FNIP1: variants seen among roughly 807,000 people sequenced by gnomAD.
FNIP1 encodes folliculin-interacting protein 1.
In FNIP1, 40 loss-of-function variants were observed where a neutral mutation model predicts 124.5. The observed-to-expected ratio is 0.32, with a 90% CI of 0.25 to 0.42. The LOEUF is 0.42. Among genes scored for constraint, FNIP1 ranks in the 10% least tolerant of loss-of-function variants. FNIP1 has a pLI of 1.00. For synonymous variants in FNIP1, 472 were observed against 470.6 expected (o/e 1.00, Z -0.04); for missense variants, 1,176 against 1,403.7 (o/e 0.84, Z 2.59).
At chr5:131,728,438 C>G (rs1769963663) in intron 3 of FNIP1, among the ~76,000 whole-genome samples, 2 of 151,972 alleles carry the variant, frequency 1.3e-5, no homozygotes, top group South Asian at 4.1e-4. Flanking sequence ...GATCTTCAAT[C>G]TCTGATATCC....
At chr5:131,780,827 A>C (rs1404960904) in intron 1 of FNIP1, among the ~76,000 whole-genome samples, 1 of 152,168 alleles carries the variant, frequency 6.6e-6, no homozygotes, top group East Asian at 1.9e-4. Context: ...AATTAGGCCA[A>C]TTAATAACCC....
rs1235416029 is a variant in FNIP1, at chr5:131,704,251, G to A, written c.930C>T (p.Ser310=). ...GVFPRWSIEE[S]FNLSDESCGP... ...CACAGCTTTCATCTGAGAGATTAAA[G>A]CTTTCTTCTATAGACCTTAAAAATA... The change falls in exon 10 of 18, where the codon AGC becomes AGT. Residue 310 remains serine (S), a synonymous_variant. Coordinates refer to ENST00000510461, the MANE Select transcript of FNIP1 (RefSeq NM_133372.3). 1 of 1,610,886 alleles carries A rather than the reference G, an allele frequency of 6.2e-7. No homozygotes were observed. Among genetic ancestry groups the A allele is most frequent in the Non-Finnish European group, 8.5e-7 (1 of 1,178,318 alleles).
chr5:131,671,041 C>T (rs938194421), intron 14 of FNIP1, among the ~76,000 whole-genome samples: 2 of 152,126 alleles, frequency 1.3e-5, no homozygotes, highest in South Asian at 2.1e-4. Flanking sequence ...CAATTAAATG[C>T]CTCACAAGTC....
At position 131,744,578 on chromosome 5, in the gene FNIP1, C is replaced by A. The variant is rs965456021; in HGVS notation, c.205G>T (p.Asp69Tyr). 2 of 1,603,980 alleles carry A rather than the reference C, an allele frequency of 1.2e-6. No individual in the cohort carries two copies. Among genetic ancestry groups the A allele is most frequent in the Non-Finnish European group, 1.7e-6 (2 of 1,174,940 alleles). ...ATGATGCTCACCGATACTGATATGT[C>A]CTCATTTCTTCTCTTAACACTGGAG... Reference protein sequence around the residue: ...FDSSVKRRNEDISVSKLGSDA... With the variant: ...FDSSVKRRNEYISVSKLGSDA... Residue 69 changes from aspartate to tyrosine, a missense_variant, in exon 2 of 18, where the codon GAC (aspartate) becomes TAC (tyrosine). Physicochemically the swap from Asp to Tyr is radical, Grantham distance 160. Coordinates refer to ENST00000510461, the MANE Select transcript of FNIP1 (RefSeq NM_133372.3).
At chr5:131,747,477 G>A (rs1183351815) in intron 1 of FNIP1, among the ~76,000 whole-genome samples, 1 of 152,144 alleles carries the variant, frequency 6.6e-6, no homozygotes, top group Admixed American at 6.5e-5. Context: ...ACACTGAACT[G>A]TTTCTACTAA....
At chr5:131,688,484 A>T (rs913575466) in intron 11 of FNIP1, among the ~76,000 whole-genome samples, 1 of 151,792 alleles carries the variant, frequency 6.6e-6, no homozygotes, top group African/African-American at 2.4e-5. Context: ...AGCAACAAAA[A>T]CTAGTCTGAA....
chr5:131,795,230 A>C lies in FNIP1; in HGVS notation c.92+1600T>G, dbSNP rs114870778. Reference sequence around the variant, plus strand: ...CTTACTTCCACTGGCAAAAGTATATAGTTATCTGCACTGCTACTTGCTCTA... The same window carrying C: ...CTTACTTCCACTGGCAAAAGTATATCGTTATCTGCACTGCTACTTGCTCTA... On this transcript the variant is annotated intron_variant, in intron 1 of 17. Coordinates refer to ENST00000510461, the MANE Select transcript of FNIP1 (RefSeq NM_133372.3). 5.6e-3 allele frequency among the ~76,000 whole-genome samples: 856 copies of C among 152,330 alleles called. 5 individuals are homozygous for C. The highest frequency in any genetic ancestry group is 0.018 in the African/African-American group (768 of 41,586).
At chr5:131,680,611 G>A (rs1274176468) in intron 11 of FNIP1, among the ~76,000 whole-genome samples, 1 of 152,084 alleles carries the variant, frequency 6.6e-6, no homozygotes, top group Non-Finnish European at 1.5e-5. Flanking sequence ...AGATAAACTA[G>A]TGCAACAAAT....
intron 3 of FNIP1, among the ~76,000 whole-genome samples, chr5:131,720,907 G>GA (rs1487157576): frequency 6.6e-5 from 10 of 152,146 alleles, no homozygotes; most frequent in Admixed American, 2.0e-4. Flanking sequence ...TGTACTTATG[G>GA]AAAACAACAT....
Position 131,790,912 on chromosome 5 carries a change from G to A in FNIP1, c.92+5918C>T, listed in dbSNP as rs572449889. On this transcript the variant is annotated intron_variant, in intron 1 of 17. Transcript: ENST00000510461. ...GTGATAAACTCTTAGAAGGAGGAGT[G>A]TAGATTAAGACATAGGCCAGAAGAA... Among the ~76,000 whole-genome samples the A allele has an allele frequency of 2.0e-5, 3 of 152,326 alleles. No homozygotes were observed. In the East Asian group the frequency reaches 5.8e-4, roughly 29 times the overall value.
At chr5:131,666,176 C>T (rs896948799) in intron 15 of FNIP1, among the ~76,000 whole-genome samples, 5 of 152,130 alleles carry the variant, frequency 3.3e-5, no homozygotes, top group Admixed American at 6.5e-5. Flanking sequence ...TGTGAGCCAC[C>T]GTGCCTGGCC....
intron 1 of FNIP1, among the ~76,000 whole-genome samples, chr5:131,765,624 T>G (rs1323943194): frequency 6.6e-6 from 1 of 152,246 alleles, no homozygotes; most frequent in Non-Finnish European, 1.5e-5. Flanking sequence ...TAAATATCCT[T>G]TCTTCTATTC....
chr5:131,667,572 T>TG (rs1767638500), intron 15 of FNIP1, among the ~76,000 whole-genome samples: 8 of 101,106 alleles, frequency 7.9e-5, no homozygotes, highest in African/African-American at 2.2e-4. Context: ...CACTTCTGTT[T>TG]TTTTGTTTGT....
At chr5:131,767,098 A>G (rs921290884) in intron 1 of FNIP1, among the ~76,000 whole-genome samples, 2 of 152,004 alleles carry the variant, frequency 1.3e-5, no homozygotes, top group Non-Finnish European at 2.9e-5. Flanking sequence ...CTGCAACTCT[A>G]CTGCACTCCA....
intron 1 of FNIP1, among the ~76,000 whole-genome samples, chr5:131,760,638 T>C (rs1265873707): frequency 6.6e-6 from 1 of 152,158 alleles, no homozygotes; most frequent in East Asian, 1.9e-4. Context: ...CTATTATGTG[T>C]CTTGAACTAT....
intron 11 of FNIP1, among the ~76,000 whole-genome samples, chr5:131,695,540 T>C (rs1292738693): frequency 6.6e-6 from 1 of 152,182 alleles, no homozygotes; most frequent in Non-Finnish European, 1.5e-5. Flanking sequence ...TATCAGAAGA[T>C]GCACGAAAAT....
chr5:131,722,085 C>G (rs1769686007), intron 3 of FNIP1, among the ~76,000 whole-genome samples: 1 of 152,144 alleles, frequency 6.6e-6, no homozygotes, highest in African/African-American at 2.4e-5. Flanking sequence ...AATTTTTATA[C>G]TTAAAAGATC....
intron 1 of FNIP1, among the ~76,000 whole-genome samples, chr5:131,787,413 A>G (rs1340060133): frequency 1.3e-5 from 2 of 152,198 alleles, no homozygotes; most frequent in African/African-American, 4.8e-5. Context: ...AAGAGATGCA[A>G]GCATACACAC....
intron 2 of FNIP1, among the ~76,000 whole-genome samples, chr5:131,739,476 C>T (rs2149556785): frequency 6.6e-6 from 1 of 152,236 alleles, no homozygotes; most frequent in East Asian, 1.9e-4. Context: ...TATTTCTGAT[C>T]CTCTATTTTG....
Sources: gnomAD v4.1 joint callset for allele counts (sites outside exome capture counted in the v4.1 genomes callset) on GRCh38, gnomAD v4.1.1 for gene constraint, MANE v1.5 for transcripts, NCBI Gene and HGNC (gene_info 2026-07-23, HGNC 2026-07-21) for gene names.